Variants in KHDRBS2 observed in about 807,000 individuals in gnomAD.
KHDRBS2 encodes the protein KH domain-containing, RNA-binding, signal transduction-associated protein 2.
Under a neutral mutation model 44.3 loss-of-function variants are expected in KHDRBS2, and 26 were observed. The observed-to-expected ratio is 0.59, with a 90% CI of 0.43 to 0.81. KHDRBS2 has a LOEUF of 0.81. Ranked by LOEUF, KHDRBS2 falls within the 40% of genes least tolerant of loss-of-function variation. The probability of loss-of-function intolerance (pLI) is 0.00; values close to 1 mark genes in which losing one functional copy is unlikely to be tolerated. For missense variants in KHDRBS2, 476 were observed against 433.1 expected (o/e 1.10, Z -0.88); for synonymous variants, 194 against 151.1 (o/e 1.28, Z -2.08).
the KHDRBS2 span, among the ~76,000 whole-genome samples, chr6:61,584,766 CAG>C: frequency 6.6e-6 from 1 of 151,766 alleles, no homozygotes; most frequent in Non-Finnish European, 1.5e-5. Flanking sequence ...CCTTAGTGAA[CAG>C]AATCTGAAGT....
chr6:61,671,810 T>C, the KHDRBS2 span, among the ~76,000 whole-genome samples: 1 of 151,800 alleles, frequency 6.6e-6, no homozygotes, highest in East Asian at 2.0e-4. Context: ...AGTATATTTC[T>C]AGTTTGAAAT....
chr6:61,723,874 G>A (rs979810839), intron 7 of KHDRBS2, among the ~76,000 whole-genome samples: 4 of 152,124 alleles, frequency 2.6e-5, no homozygotes, highest in African/African-American at 9.7e-5. Flanking sequence ...GAGGGAGAAT[G>A]GAACGAAGTT....
chr6:61,761,326 C>G (rs1426210882), intron 6 of KHDRBS2, among the ~76,000 whole-genome samples: 1 of 152,164 alleles, frequency 6.6e-6, no homozygotes, highest in Non-Finnish European at 1.5e-5. Flanking sequence ...TTTTAGAAAA[C>G]AAGTACATGT....
At chr6:62,205,908 GAACTTGAGCATCCAAGAAGTATGGCAA>G (rs1827879806) in intron 1 of KHDRBS2, among the ~76,000 whole-genome samples, 1 of 152,068 alleles carries the variant, frequency 6.6e-6, no homozygotes, top group Non-Finnish European at 1.5e-5. Context: ...TTGGCTTTGG[GAACTTGAGCATCCAAGAAGTATGGCAA>G]AAGCAAAAAA....
At chr6:61,904,244 T>C (rs1280415043) in intron 4 of KHDRBS2, among the ~76,000 whole-genome samples, 1 of 152,148 alleles carries the variant, frequency 6.6e-6, no homozygotes, top group Non-Finnish European at 1.5e-5. Context: ...ACAGTTTGAA[T>C]TGCCCATTTA....
intron 2 of KHDRBS2, among the ~76,000 whole-genome samples, chr6:62,131,641 C>A (rs1810348850): frequency 6.6e-6 from 1 of 152,260 alleles, no homozygotes; most frequent in East Asian, 1.9e-4. Context: ...CCTTACTTTC[C>A]ATTCTCTTCT....
chr6:61,633,773 G>T, the KHDRBS2 span, among the ~76,000 whole-genome samples: 1 of 148,954 alleles, frequency 6.7e-6, no homozygotes, highest in Non-Finnish European at 1.5e-5. Context: ...TATTAAAAGA[G>T]TATATATTAA....
At chr6:61,768,421 A>G (rs936491734) in intron 6 of KHDRBS2, among the ~76,000 whole-genome samples, 1 of 151,896 alleles carries the variant, frequency 6.6e-6, no homozygotes, top group African/African-American at 2.4e-5. Context: ...ATTCTCTGTT[A>G]TTATCCCTTT....
At chr6:61,981,692 A>C (rs1773872549) in intron 3 of KHDRBS2, among the ~76,000 whole-genome samples, 1 of 152,028 alleles carries the variant, frequency 6.6e-6, no homozygotes, top group South Asian at 2.1e-4. Context: ...CCCCAAACCA[A>C]CTTAGATTTT....
intron 6 of KHDRBS2, among the ~76,000 whole-genome samples, chr6:61,736,857 C>T (rs1775441863): frequency 6.6e-6 from 1 of 151,952 alleles, no homozygotes; most frequent in Non-Finnish European, 1.5e-5. Flanking sequence ...TCTCATTGTT[C>T]TTAAAATACC....
chr6:61,807,286 G>A (rs1184779402), intron 6 of KHDRBS2, among the ~76,000 whole-genome samples: 1 of 152,014 alleles, frequency 6.6e-6, no homozygotes, highest in Non-Finnish European at 1.5e-5. Context: ...GGAACTTAAA[G>A]AATTACCATT....
At chr6:61,848,848 A>T (rs1329206566) in intron 6 of KHDRBS2, among the ~76,000 whole-genome samples, 1 of 151,738 alleles carries the variant, frequency 6.6e-6, no homozygotes, top group East Asian at 1.9e-4. Context: ...TCGACCTATG[A>T]TAAGTTGAAA....
intron 4 of KHDRBS2, among the ~76,000 whole-genome samples, chr6:61,969,576 C>T (rs1324472362): frequency 2.6e-5 from 4 of 151,822 alleles, no homozygotes; most frequent in Admixed American, 6.6e-5. Flanking sequence ...AATCATTTTC[C>T]TCTGATTCTG....
At chr6:62,121,002 C>G (rs1026204312) in intron 2 of KHDRBS2, among the ~76,000 whole-genome samples, 3 of 152,072 alleles carry the variant, frequency 2.0e-5, no homozygotes, top group Non-Finnish European at 4.4e-5. Context: ...TTCCAGGGGA[C>G]CAAAATGTCA....
intron 2 of KHDRBS2, among the ~76,000 whole-genome samples, chr6:62,077,495 T>C (rs533631464): frequency 1.3e-5 from 2 of 152,178 alleles, no homozygotes; most frequent in East Asian, 1.9e-4. Context: ...GACTTCTTTA[T>C]CTGGGATCTT....
chr6:61,827,562 G>T (rs537306456), intron 6 of KHDRBS2, among the ~76,000 whole-genome samples: 1 of 152,078 alleles, frequency 6.6e-6, no homozygotes, highest in African/African-American at 2.4e-5. Flanking sequence ...AAGTAACTTG[G>T]ACAGCTCTCT....
At chr6:62,113,909 T>C (rs536121235) in intron 2 of KHDRBS2, among the ~76,000 whole-genome samples, 1 of 152,228 alleles carries the variant, frequency 6.6e-6, no homozygotes, top group South Asian at 2.1e-4. Flanking sequence ...GACTGGTTAA[T>C]TTATAACAGA....
At chr6:62,171,713 G>A (rs1295099247) in intron 2 of KHDRBS2, among the ~76,000 whole-genome samples, 1 of 152,134 alleles carries the variant, frequency 6.6e-6, no homozygotes, top group Non-Finnish European at 1.5e-5. Flanking sequence ...AACCCGATCT[G>A]GCTAACAACA....
chr6:62,244,988 C>G (rs2150170301), intron 1 of KHDRBS2, among the ~76,000 whole-genome samples: 1 of 152,176 alleles, frequency 6.6e-6, no homozygotes, highest in East Asian at 1.9e-4. Context: ...AGGTGACTTT[C>G]TGCTGAGGAG....
Sources: gnomAD v4.1 joint callset for allele counts (sites outside exome capture counted in the v4.1 genomes callset) on GRCh38, gnomAD v4.1.1 for gene constraint, MANE v1.5 for transcripts, NCBI Gene and HGNC (gene_info 2026-07-23, HGNC 2026-07-21) for gene names.